The following PLCE1 variants were observed in gnomAD, a reference collection of about 807,000 sequenced individuals.
The protein encoded by PLCE1 is phospholipase C epsilon 1.
Under a neutral mutation model 242.8 loss-of-function variants are expected in PLCE1, and 119 were observed. The observed-to-expected ratio is 0.49, with a 90% CI of 0.42 to 0.57. The LOEUF (loss-of-function observed/expected upper bound fraction) is 0.57, where lower values mean the gene tolerates loss of function less well. Among genes scored for constraint, PLCE1 ranks in the 20% least tolerant of loss-of-function variants. PLCE1 has a pLI of 0.00. For missense variants in PLCE1, 2,441 were observed against 2,788.8 expected (o/e 0.88, Z 2.81); for synonymous variants, 945 against 1,017.4 (o/e 0.93, Z 1.35).
In PLCE1 at chr10:94,273,765, G is replaced by T. The variant is rs376941977; in HGVS notation, c.4665+45G>T. On this transcript the variant is annotated intron_variant, in intron 19 of 32. Coordinates refer to ENST00000371380, the MANE Select transcript of PLCE1 (RefSeq NM_016341.4). ...CAGTTATGAAAAGGCAGTGTGCCTA[G>T]AACAAAGAAAAATAACATCATTCTA... is the stretch of plus-strand genomic sequence containing the variant. The T allele has an allele frequency of 4.5e-6, 7 of 1,562,734 alleles. No individual in the cohort carries two copies. In the African/African-American group the frequency reaches 6.8e-5, roughly 15 times the overall value.
chr10:94,297,461 T>C lies in PLCE1; in HGVS notation c.5168-918T>C, dbSNP rs1007158428. Among the ~76,000 whole-genome samples the C allele has an allele frequency of 7.3e-5, 11 of 151,536 alleles. 1 individual carries two copies. Among genetic ancestry groups the C allele is most frequent in the Admixed American group, 2.0e-4 (3 of 15,230 alleles). On this transcript the variant is annotated intron_variant, in intron 23 of 32. Transcript: ENST00000371380. ...ATCACCATAACAGATATAATAATAA[T>C]GTTTAAAAGCTTGAAATGTTGCAAG...
At chr10:94,304,237 C>G (rs1236014761) in intron 24 of PLCE1, among the ~76,000 whole-genome samples, 1 of 152,152 alleles carries the variant, frequency 6.6e-6, no homozygotes, top group Non-Finnish European at 1.5e-5. Flanking sequence ...TGGGCATATC[C>G]ATAGACTGTA....
intron 5 of PLCE1, among the ~76,000 whole-genome samples, chr10:94,233,745 C>T (rs890147124): frequency 1.3e-5 from 2 of 151,936 alleles, no homozygotes; most frequent in South Asian, 2.1e-4. Flanking sequence ...GTCAGGAGTT[C>T]GAGACCAGCT....
At chr10:94,269,294 G>A (rs1450184152) in intron 17 of PLCE1, among the ~76,000 whole-genome samples, 1 of 151,580 alleles carries the variant, frequency 6.6e-6, no homozygotes, top group East Asian at 1.9e-4. Flanking sequence ...TAGAGATGGG[G>A]TTTCACCACG....
intron 1 of PLCE1, among the ~76,000 whole-genome samples, chr10:94,022,475 A>G (rs905321021): frequency 6.6e-6 from 1 of 151,928 alleles, no homozygotes; most frequent in Non-Finnish European, 1.5e-5. Context: ...TTGCATATAT[A>G]TATAAATATA....
chr10:94,087,754 A>G (rs772585618), intron 2 of PLCE1, among the ~76,000 whole-genome samples: 65 of 152,098 alleles, frequency 4.3e-4, no homozygotes, highest in Admixed American at 9.8e-4. Flanking sequence ...CAACCTCCTA[A>G]TATTAATGAG....
At chr10:94,193,495 T>C (rs2048730724) in intron 4 of PLCE1, among the ~76,000 whole-genome samples, 3 of 152,212 alleles carry the variant, frequency 2.0e-5, no homozygotes, top group Admixed American at 2.0e-4. Context: ...GTGTACTTAG[T>C]ATCTGCTTTA....
At chr10:94,190,188 G>A (rs1350578291) in intron 4 of PLCE1, among the ~76,000 whole-genome samples, 1 of 152,214 alleles carries the variant, frequency 6.6e-6, no homozygotes, top group African/African-American at 2.4e-5. Context: ...GCTGAGGTGG[G>A]AGGATGGCTT....
In PLCE1 at chr10:94,035,614, C is replaced by T. The variant is rs6583923; in HGVS notation, c.1206+3362C>T. Among the ~76,000 whole-genome samples, 1,354 of 152,182 alleles carry T rather than the reference C, an allele frequency of 8.9e-3. 70 individuals are homozygous for T. Among genetic ancestry groups the T allele is most frequent in the Admixed American group, 0.078 (1,190 of 15,270 alleles). On this transcript the variant is annotated intron_variant, in intron 2 of 32. Transcript: ENST00000371380. The stretch of plus-strand genomic sequence containing the variant: ...GGCATTTTTATTAACCATTAAGATG[C>T]GGCTGGGGAATAGGCTGGTTGTCCT...
chr10:94,099,571 C>CTATCATATCAACTTTATGGAAT (rs1174489392), intron 2 of PLCE1: 1 of 152,082 alleles, frequency 6.6e-6, no homozygotes, highest in African/African-American at 2.4e-5. Flanking sequence ...AAGGAGGGAG[C>CTATCATATCAACTTTATGGAAT]TATCATATCA....
chr10:94,240,201 A>G (rs919876435), intron 7 of PLCE1, among the ~76,000 whole-genome samples: 2 of 152,182 alleles, frequency 1.3e-5, no homozygotes, highest in African/African-American at 4.8e-5. Flanking sequence ...TTGTTTTATG[A>G]TACTAACTTA....
chr10:94,221,179 T>G (rs1398718611), intron 4 of PLCE1, among the ~76,000 whole-genome samples: 4 of 152,182 alleles, frequency 2.6e-5, no homozygotes, highest in African/African-American at 9.7e-5. Flanking sequence ...TCTCTGGCCT[T>G]AAGAGAGCCT....
chr10:94,041,055 C>T (rs891779972), intron 2 of PLCE1, among the ~76,000 whole-genome samples: 1 of 151,974 alleles, frequency 6.6e-6, no homozygotes, highest in Admixed American at 6.6e-5. Context: ...CTTTGCCTAT[C>T]CTTGGCTTAG....
intron 1 of PLCE1, among the ~76,000 whole-genome samples, chr10:94,021,939 C>T (rs2061382745): frequency 6.6e-6 from 1 of 152,018 alleles, no homozygotes; most frequent in African/African-American, 2.4e-5. Context: ...AAGACACCTA[C>T]AGCTAATATA....
intron 2 of PLCE1, among the ~76,000 whole-genome samples, chr10:94,102,153 A>G (rs1388436015): frequency 1.3e-5 from 2 of 152,224 alleles, no homozygotes; most frequent in African/African-American, 4.8e-5. Flanking sequence ...TATGCCAAGC[A>G]TTAGGCTATG....
intron 3 of PLCE1, among the ~76,000 whole-genome samples, chr10:94,134,156 A>C (rs1426257581): frequency 6.6e-6 from 1 of 150,438 alleles, no homozygotes; most frequent in African/African-American, 2.5e-5. Context: ...GCCGGAGTGC[A>C]GTGGCATGAT....
chr10:94,079,123 GA>G (rs1210212077), intron 2 of PLCE1, among the ~76,000 whole-genome samples: 1 of 151,736 alleles, frequency 6.6e-6, no homozygotes, highest in Non-Finnish European at 1.5e-5. Context: ...AAATTTTTGA[GA>G]AAAAAAATAG....
intron 10 of PLCE1, among the ~76,000 whole-genome samples, chr10:94,254,661 G>A (rs931241531): frequency 1.3e-5 from 2 of 152,116 alleles, no homozygotes; most frequent in Non-Finnish European, 2.9e-5. Flanking sequence ...CTGGGACCTT[G>A]GGACCTGGAC....
chr10:94,299,614 G>T (rs749960569), intron 24 of PLCE1, among the ~76,000 whole-genome samples: 1 of 152,160 alleles, frequency 6.6e-6, no homozygotes, highest in South Asian at 2.1e-4. Flanking sequence ...CATTCATCTC[G>T]CGTGAACTGA....
Sources: allele counts gnomAD v4.1 joint callset (sites outside exome capture counted in the v4.1 genomes callset), GRCh38; gene constraint gnomAD v4.1.1; transcripts MANE v1.5; gene names NCBI Gene and HGNC (gene_info 2026-07-23, HGNC 2026-07-21).